TAFA1: variants seen among roughly 807,000 people sequenced by gnomAD.
TAFA1 encodes chemokine-like protein TAFA-1.
TAFA1 carries 4 observed loss-of-function variants against 18.5 expected under a neutral mutation model. The observed-to-expected ratio is 0.22, with a 90% confidence interval of 0.11 to 0.49. TAFA1 has a LOEUF of 0.49. Ranked by LOEUF, TAFA1 falls within the 20% of genes least tolerant of loss-of-function variation. The pLI, the probability that TAFA1 is intolerant of heterozygous loss-of-function variation, is 0.98. For missense variants in TAFA1, 147 were observed against 169.0 expected (o/e 0.87, Z 0.72); for synonymous variants, 56 against 55.2 (o/e 1.01, Z -0.06).
chr3:68,043,251 T>A (rs1363416779), intron 2 of TAFA1, among the ~76,000 whole-genome samples: 13 of 152,200 alleles, frequency 8.5e-5, no homozygotes, highest in Non-Finnish European at 1.8e-4. Flanking sequence ...GGTGATTGCC[T>A]TTTGCTTCAC....
At chr3:68,342,938 G>A (rs2069108636) in intron 2 of TAFA1, among the ~76,000 whole-genome samples, 1 of 152,132 alleles carries the variant, frequency 6.6e-6, no homozygotes, top group African/African-American at 2.4e-5. Context: ...CACACACAAA[G>A]TATATTTTTC....
chr3:68,214,135 G>A (rs2066627429), intron 2 of TAFA1, among the ~76,000 whole-genome samples: 2 of 152,022 alleles, frequency 1.3e-5, no homozygotes, highest in African/African-American at 4.8e-5. Flanking sequence ...TAGAAGGAAT[G>A]GATCAGCTGG....
At chr3:68,098,851 C>T (rs1402338555) in intron 2 of TAFA1, among the ~76,000 whole-genome samples, 1 of 152,032 alleles carries the variant, frequency 6.6e-6, no homozygotes, top group Non-Finnish European at 1.5e-5. Flanking sequence ...AATAAAGCTG[C>T]ACACCTACAA....
chr3:68,432,252 A>G (rs1399663509), intron 3 of TAFA1, among the ~76,000 whole-genome samples: 1 of 151,886 alleles, frequency 6.6e-6, no homozygotes, highest in Non-Finnish European at 1.5e-5. Flanking sequence ...GTGTCCTTAA[A>G]CGTATTACCC....
intron 2 of TAFA1, among the ~76,000 whole-genome samples, chr3:68,401,602 C>T (rs768846816): frequency 3.3e-5 from 5 of 152,188 alleles, no homozygotes; most frequent in African/African-American, 9.6e-5. Flanking sequence ...TCCAGACTTG[C>T]GTCTTTTCGT....
At chr3:67,996,491 G>A in the TAFA1 span, among the ~76,000 whole-genome samples, 3 of 152,114 alleles carry the variant, frequency 2.0e-5, no homozygotes, top group Admixed American at 1.3e-4. Flanking sequence ...ATGTGCAAAA[G>A]CTTTGAGTCC....
intron 2 of TAFA1, among the ~76,000 whole-genome samples, chr3:68,058,390 G>T (rs750436463): frequency 6.6e-6 from 1 of 152,124 alleles, no homozygotes; most frequent in African/African-American, 2.4e-5. Context: ...TAACAATAAT[G>T]ATCTTTATTT....
At chr3:68,224,892 G>T (rs2066777165) in intron 2 of TAFA1, among the ~76,000 whole-genome samples, 1 of 139,192 alleles carries the variant, frequency 7.2e-6, no homozygotes, top group Non-Finnish European at 1.5e-5. Flanking sequence ...TTTGGCTTGT[G>T]GCACTTTTTT....
intron 3 of TAFA1, among the ~76,000 whole-genome samples, chr3:68,526,924 C>CA (rs2073118431): frequency 6.6e-6 from 1 of 151,976 alleles, no homozygotes; most frequent in Non-Finnish European, 1.5e-5. Context: ...TGTTCTTCAA[C>CA]AAAATTGCAA....
chr3:68,120,238 T>C (rs563283403), intron 2 of TAFA1, among the ~76,000 whole-genome samples: 1 of 134,380 alleles, frequency 7.4e-6, no homozygotes, highest in East Asian at 2.1e-4. Flanking sequence ...TCTTTCTTTC[T>C]TTCTTTCTTT....
chr3:68,389,574 A>T (rs747737841), intron 2 of TAFA1, among the ~76,000 whole-genome samples: 1 of 152,166 alleles, frequency 6.6e-6, no homozygotes, highest in South Asian at 2.1e-4. Context: ...CCCGGGCAAG[A>T]TGGCCAAATA....
At chr3:68,425,879 A>G (rs1423390215) in intron 3 of TAFA1, among the ~76,000 whole-genome samples, 2 of 151,792 alleles carry the variant, frequency 1.3e-5, no homozygotes, top group African/African-American at 4.8e-5. Flanking sequence ...ATGCCTTTAA[A>G]TGGGACACTC....
intron 2 of TAFA1, among the ~76,000 whole-genome samples, chr3:68,015,115 G>A (rs1290089473): frequency 6.6e-6 from 1 of 152,124 alleles, no homozygotes; most frequent in Non-Finnish European, 1.5e-5. Context: ...ATATGCCCAT[G>A]GTGTAGTCCT....
intron 2 of TAFA1, among the ~76,000 whole-genome samples, chr3:68,345,053 G>A (rs754265729): frequency 2.0e-5 from 3 of 150,036 alleles, no homozygotes; most frequent in Non-Finnish European, 4.4e-5. Flanking sequence ...AAAAATTCAA[G>A]GAAATCTAGT....
chr3:68,138,978 G>A (rs2065639343), intron 2 of TAFA1, among the ~76,000 whole-genome samples: 1 of 152,294 alleles, frequency 6.6e-6, no homozygotes, highest in Non-Finnish European at 1.5e-5. Flanking sequence ...GAATGAACCA[G>A]CATATCGACA....
chr3:68,537,269 T>A (rs2073291568), intron 3 of TAFA1, among the ~76,000 whole-genome samples: 2 of 152,126 alleles, frequency 1.3e-5, no homozygotes, highest in African/African-American at 4.8e-5. Context: ...AAAGGCAGGT[T>A]AATAAAAGAA....
At chr3:68,232,246 C>T (rs2066880880) in intron 2 of TAFA1, among the ~76,000 whole-genome samples, 1 of 152,188 alleles carries the variant, frequency 6.6e-6, no homozygotes, top group Admixed American at 6.5e-5. Context: ...CCTCTAATAA[C>T]CACAATTCTA....
intron 2 of TAFA1, among the ~76,000 whole-genome samples, chr3:68,278,827 T>G (rs1329347346): frequency 6.6e-6 from 1 of 152,136 alleles, no homozygotes; most frequent in Non-Finnish European, 1.5e-5. Context: ...TAAGATTCCA[T>G]TCTACATTTC....
At chr3:68,169,929 A>G (rs1486409051) in intron 2 of TAFA1, among the ~76,000 whole-genome samples, 2 of 152,146 alleles carry the variant, frequency 1.3e-5, no homozygotes, top group Non-Finnish European at 2.9e-5. Flanking sequence ...GTTTAGAAAG[A>G]CCTTTCAAGA....
Sources: gnomAD v4.1 joint callset for allele counts (sites outside exome capture counted in the v4.1 genomes callset) on GRCh38, gnomAD v4.1.1 for gene constraint, MANE v1.5 for transcripts, NCBI Gene and HGNC (gene_info 2026-07-23, HGNC 2026-07-21) for gene names.